TNFSF4: variants seen among roughly 807,000 people sequenced by gnomAD.
The protein encoded by TNFSF4 is tumor necrosis factor ligand superfamily member 4.
In TNFSF4, 4 loss-of-function variants were observed where a neutral mutation model predicts 7.3. That is an observed-to-expected ratio of 0.55 (90% CI 0.27 to 1.25). The LOEUF (loss-of-function observed/expected upper bound fraction) is 1.25, where lower values mean the gene tolerates loss of function less well. Among genes scored for constraint, TNFSF4 ranks in the 50% most tolerant of loss-of-function variants. The pLI is 0.12. For missense variants in TNFSF4, 181 were observed against 208.8 expected, an observed-to-expected ratio of 0.87 and a Z score of 0.82; for synonymous variants, 76 against 83.7, an observed-to-expected ratio of 0.91 and a Z score of 0.50.
the TNFSF4 span, among the ~76,000 whole-genome samples, chr1:173,241,176 G>C: frequency 6.6e-6 from 1 of 152,086 alleles, no homozygotes; most frequent in Non-Finnish European, 1.5e-5. Context: ...GTCTTACCAG[G>C]AACCTCTCCC....
the TNFSF4 span, among the ~76,000 whole-genome samples, chr1:173,439,076 C>A: frequency 6.6e-6 from 1 of 152,204 alleles, no homozygotes; most frequent in African/African-American, 2.4e-5. Flanking sequence ...TGCCAACGGC[C>A]AGAAGCTGTC....
upstream of TNFSF4, among the ~76,000 whole-genome samples, chr1:173,212,216 C>T (rs1557889852): frequency 6.6e-6 from 1 of 152,150 alleles, no homozygotes; most frequent in African/African-American, 2.4e-5. Context: ...TCATGAGAGA[C>T]CTGCTTTCAT....
At chr1:173,447,494 G>C in the TNFSF4 span, among the ~76,000 whole-genome samples, 1 of 152,080 alleles carries the variant, frequency 6.6e-6, no homozygotes, top group African/African-American at 2.4e-5. Context: ...AGGGGTAGAG[G>C]GCATATGGGA....
the TNFSF4 span, among the ~76,000 whole-genome samples, chr1:173,308,618 C>A: frequency 6.6e-6 from 1 of 151,872 alleles, no homozygotes; most frequent in Non-Finnish European, 1.5e-5. Context: ...AACTAAGTGA[C>A]TTAAAACAAC....
At chr1:173,428,092 C>T in the TNFSF4 span, among the ~76,000 whole-genome samples, 1 of 151,776 alleles carries the variant, frequency 6.6e-6, no homozygotes, top group Non-Finnish European at 1.5e-5. Flanking sequence ...ATTACAGGCA[C>T]CCGCCACCAC....
the TNFSF4 span, among the ~76,000 whole-genome samples, chr1:173,434,220 T>C: frequency 1.3e-5 from 2 of 152,226 alleles, no homozygotes; most frequent in Non-Finnish European, 2.9e-5. Context: ...GCACAGTTGT[T>C]TTAAATTACT....
At chr1:173,416,918 C>A in the TNFSF4 span, among the ~76,000 whole-genome samples, 2 of 152,214 alleles carry the variant, frequency 1.3e-5, no homozygotes, top group East Asian at 3.9e-4. Context: ...TTTTAAAGCA[C>A]ACACACATTC....
At chr1:173,313,364 T>C in the TNFSF4 span, among the ~76,000 whole-genome samples, 2 of 152,252 alleles carry the variant, frequency 1.3e-5, no homozygotes, top group South Asian at 4.1e-4. Context: ...ACATTCTCAA[T>C]TGAATAAGGC....
At chr1:173,425,847 C>G in the TNFSF4 span, among the ~76,000 whole-genome samples, 1 of 152,200 alleles carries the variant, frequency 6.6e-6, no homozygotes, top group Admixed American at 6.5e-5. Flanking sequence ...TTGTAAATCT[C>G]TTGATGAATT....
At chr1:173,252,284 T>C in the TNFSF4 span, among the ~76,000 whole-genome samples, 5 of 152,132 alleles carry the variant, frequency 3.3e-5, no homozygotes, top group Non-Finnish European at 7.4e-5. Context: ...TCTTACAAGG[T>C]AAGTCCAATT....
the TNFSF4 span, among the ~76,000 whole-genome samples, chr1:173,429,611 G>A: frequency 6.6e-6 from 1 of 152,214 alleles, no homozygotes; most frequent in African/African-American, 2.4e-5. Context: ...ACCTCCACCA[G>A]CTGTGGGAAA....
At chr1:173,206,155 A>G (rs143519070) in intron 1 of TNFSF4, among the ~76,000 whole-genome samples, 1 of 152,320 alleles carries the variant, frequency 6.6e-6, no homozygotes, top group African/African-American at 2.4e-5. Context: ...CCACCTAGAA[A>G]ACAAGATTAT....
chr1:173,384,847 G>A, the TNFSF4 span, among the ~76,000 whole-genome samples: 8 of 151,984 alleles, frequency 5.3e-5, no homozygotes, highest in Admixed American at 5.2e-4. Context: ...ATATTTATGT[G>A]CTACTACTTA....
chr1:173,254,130 A>T, the TNFSF4 span, among the ~76,000 whole-genome samples: 1 of 152,266 alleles, frequency 6.6e-6, no homozygotes, highest in African/African-American at 2.4e-5. Context: ...ATTCAGGAAA[A>T]GTCTTAAGAC....
At chr1:173,376,592 C>G in the TNFSF4 span, among the ~76,000 whole-genome samples, 1 of 152,188 alleles carries the variant, frequency 6.6e-6, no homozygotes, top group Admixed American at 6.5e-5. Flanking sequence ...TTTGTAAATG[C>G]ACCAATCAGT....
At chr1:173,354,934 C>T in the TNFSF4 span, among the ~76,000 whole-genome samples, 5 of 152,220 alleles carry the variant, frequency 3.3e-5, no homozygotes, top group East Asian at 1.9e-4. Context: ...ACAATGCCTT[C>T]GATCAGCACA....
the TNFSF4 span, among the ~76,000 whole-genome samples, chr1:173,341,833 G>A: frequency 6.6e-6 from 1 of 152,116 alleles, no homozygotes; most frequent in African/African-American, 2.4e-5. Flanking sequence ...CATTGCAGAA[G>A]CAACCTTACC....
chr1:173,188,806 T>G (rs543606295), intron 1 of TNFSF4, among the ~76,000 whole-genome samples: 112 of 152,198 alleles, frequency 7.4e-4, no homozygotes, highest in African/African-American at 2.7e-3. Context: ...TCCGCCTCCC[T>G]GGGCTCAGTG....
At chr1:173,250,197 T>C in the TNFSF4 span, among the ~76,000 whole-genome samples, 1 of 150,484 alleles carries the variant, frequency 6.6e-6, no homozygotes, top group African/African-American at 2.5e-5. Context: ...ATCTACTTGT[T>C]TATTTTTATT....
Sources: allele counts gnomAD v4.1 joint callset (sites outside exome capture counted in the v4.1 genomes callset), GRCh38; gene constraint gnomAD v4.1.1; transcripts MANE v1.5; gene names NCBI Gene and HGNC (gene_info 2026-07-23, HGNC 2026-07-21).